The following STK4 variants were observed in gnomAD, a reference collection of about 807,000 sequenced individuals.
STK4 encodes serine/threonine-protein kinase 4.
In STK4, 30 loss-of-function variants were observed where a neutral mutation model predicts 64.9. That is an observed-to-expected ratio of 0.46 (90% CI 0.35 to 0.63). STK4 has a LOEUF of 0.63. Among genes scored for constraint, STK4 ranks in the 20% least tolerant of loss-of-function variants. The pLI, the probability that STK4 is intolerant of heterozygous loss-of-function variation, is 0.01. For missense variants in STK4, 466 were observed against 598.5 expected, an observed-to-expected ratio of 0.78 and a Z score of 2.31; for synonymous variants, 177 against 199.0, an observed-to-expected ratio of 0.89 and a Z score of 0.93.
chr20:45,004,451 TTAAAAA>T (rs1263968721), intron 9 of STK4: 2 of 151,774 alleles, frequency 1.3e-5, no homozygotes, highest in South Asian at 2.1e-4. Flanking sequence ...TTGACTAGCC[TTAAAAA>T]TAAAAATAAA....
At chr20:44,985,414 G>A (rs1395134060) in intron 4 of STK4, among the ~76,000 whole-genome samples, 2 of 152,116 alleles carry the variant, frequency 1.3e-5, no homozygotes, top group Non-Finnish European at 2.9e-5. Context: ...CACAATCTCA[G>A]CTCACTGCAA....
intron 10 of STK4, among the ~76,000 whole-genome samples, chr20:45,072,285 G>A (rs77034512): frequency 0.025 from 3,776 of 152,230 alleles, 138 homozygotes; most frequent in African/African-American, 0.081. Context: ...GGAGGAGAAC[G>A]GGCTTGCCCA....
At chr20:44,981,543 A>T (rs1230970966) in intron 3 of STK4, among the ~76,000 whole-genome samples, 1 of 152,200 alleles carries the variant, frequency 6.6e-6, no homozygotes, top group Non-Finnish European at 1.5e-5. Context: ...TAGTGCTATG[A>T]TGGTAACTGT....
chr20:44,996,401 C>T (rs2067731601), intron 6 of STK4, among the ~76,000 whole-genome samples: 1 of 152,164 alleles, frequency 6.6e-6, no homozygotes, highest in Non-Finnish European at 1.5e-5. Context: ...ACAGCTCTTC[C>T]TCTTCTCTGA....
chr20:44,981,964 A>T, intron 4 of STK4, 21 bp downstream of exon 4: 1 of 1,530,434 alleles, frequency 6.5e-7, no homozygotes, highest in Non-Finnish European at 9.1e-7. Context: ...CTTCTAGAAC[A>T]TGCAACTGAG....
At chr20:45,067,815 A>T (rs2267861) in intron 10 of STK4, among the ~76,000 whole-genome samples, 65,228 of 151,964 alleles carry the variant, frequency 0.43, 14,720 homozygotes, top group Middle Eastern at 0.54. Flanking sequence ...TTATTCATAG[A>T]GATGCTGGGA....
At chr20:45,037,469 C>G (rs1298954633) in intron 10 of STK4, among the ~76,000 whole-genome samples, 3 of 152,098 alleles carry the variant, frequency 2.0e-5, no homozygotes, top group Non-Finnish European at 4.4e-5. Context: ...GAGCTAATAT[C>G]CATCTGACGT....
chr20:44,990,748 G>A (rs2067618499), intron 5 of STK4, among the ~76,000 whole-genome samples: 1 of 152,100 alleles, frequency 6.6e-6, no homozygotes, highest in Admixed American at 6.5e-5. Context: ...CTAATGCCAG[G>A]GTGGGGCGAG....
chr20:45,035,898 G>A (rs2068520111), intron 10 of STK4, among the ~76,000 whole-genome samples: 1 of 152,134 alleles, frequency 6.6e-6, no homozygotes, highest in Admixed American at 6.5e-5. Context: ...TATTGAAAAT[G>A]TACTATGTGC....
chr20:45,011,719 ATATATATATATTTTT>A (rs1261014099), intron 9 of STK4, among the ~76,000 whole-genome samples: 1 of 104,488 alleles, frequency 9.6e-6, no homozygotes, highest in African/African-American at 3.9e-5. Context: ...ATATATATAT[ATATATATATATTTTT>A]TTTTTTTTTT....
At chr20:45,018,383 A>G (rs1322896099) in intron 9 of STK4, among the ~76,000 whole-genome samples, 1 of 152,230 alleles carries the variant, frequency 6.6e-6, no homozygotes, top group Admixed American at 6.5e-5. Flanking sequence ...ACTTAGTGAC[A>G]GTCTGGAAAA....
chr20:45,008,033 G>C (rs895082868), intron 9 of STK4, among the ~76,000 whole-genome samples: 1 of 152,192 alleles, frequency 6.6e-6, no homozygotes, highest in Non-Finnish European at 1.5e-5. Flanking sequence ...ATGGCCTCCA[G>C]CTCCATCCAT....
At chr20:45,019,944 C>T (rs2068213087) in intron 9 of STK4, among the ~76,000 whole-genome samples, 1 of 152,130 alleles carries the variant, frequency 6.6e-6, no homozygotes, top group African/African-American at 2.4e-5. Context: ...AAGAAAAGTT[C>T]AAAGATAAGG....
chr20:44,993,203 A>G (rs2067666506), intron 5 of STK4, among the ~76,000 whole-genome samples: 1 of 151,216 alleles, frequency 6.6e-6, no homozygotes, highest in African/African-American at 2.4e-5. Flanking sequence ...TCATATGTAT[A>G]TGTGGTATAT....
At chr20:45,000,591 G>T in intron 8 of STK4, 71 bp downstream of exon 8, 4 of 1,594,950 alleles carry the variant, frequency 2.5e-6, no homozygotes, top group Non-Finnish European at 3.4e-6. Context: ...AACCAGGTAA[G>T]ATGAGTAGGA....
chr20:45,050,649 A>G (rs1204973052), intron 10 of STK4, among the ~76,000 whole-genome samples: 1 of 152,152 alleles, frequency 6.6e-6, no homozygotes. Context: ...TTCTTCAGCT[A>G]TCAAGTCAGG....
intron 2 of STK4, among the ~76,000 whole-genome samples, chr20:44,976,129 CA>C (rs2067334199): frequency 1.3e-5 from 2 of 152,140 alleles, no homozygotes; most frequent in African/African-American, 4.8e-5. Context: ...GGAATCTTGA[CA>C]ATGAAAACTA....
At chr20:45,026,278 T>TA (rs758983638) in intron 10 of STK4, among the ~76,000 whole-genome samples, 2 of 151,162 alleles carry the variant, frequency 1.3e-5, no homozygotes, top group East Asian at 1.9e-4. Context: ...GCAACTATTG[T>TA]AAAAAATATA....
chr20:45,072,464 C>T (rs917778050), intron 10 of STK4, among the ~76,000 whole-genome samples: 1 of 152,226 alleles, frequency 6.6e-6, no homozygotes, highest in Non-Finnish European at 1.5e-5. Context: ...AGAGCACCTT[C>T]TAATATAAAA....
Sources: gnomAD v4.1 joint callset for allele counts (sites outside exome capture counted in the v4.1 genomes callset) on GRCh38, gnomAD v4.1.1 for gene constraint, MANE v1.5 for transcripts, NCBI Gene and HGNC (gene_info 2026-07-23, HGNC 2026-07-21) for gene names.